ANXA10: variants seen among roughly 807,000 people sequenced by gnomAD.
ANXA10 encodes annexin 14.
A neutral mutation model predicts 53.5 loss-of-function variants in ANXA10; 49 were observed. The observed-to-expected ratio is 0.92, with a 90% CI of 0.73 to 1.16. The LOEUF (loss-of-function observed/expected upper bound fraction) is 1.16, where lower values mean the gene tolerates loss of function less well. Among genes scored for constraint, ANXA10 ranks in the 50% most tolerant of loss-of-function variants. The probability of loss-of-function intolerance (pLI) is 0.00; values close to 1 mark genes in which losing one functional copy is unlikely to be tolerated. For missense variants in ANXA10, 393 were observed against 394.4 expected (o/e 1.00, Z 0.03); for synonymous variants, 131 against 128.9 (o/e 1.02, Z -0.11).
rs72987469 is a variant in ANXA10, at chr4:168,150,247, G to A, written c.195+10667G>A. ...TTTAATATACCATGTGTGTCTAGAA[G>A]ACCAAAGTATTATCATTATTATCAA... On this transcript the variant is annotated intron_variant, in intron 3 of 11. Coordinates refer to ENST00000359299, the MANE Select transcript of ANXA10 (RefSeq NM_007193.5). Among the ~76,000 whole-genome samples, 1,017 of 151,582 alleles carry A rather than the reference G, an allele frequency of 6.7e-3. 10 individuals are homozygous for A. Among genetic ancestry groups the A allele is most frequent in the African/African-American group, 0.024 (963 of 40,926 alleles).
At chr4:168,147,376 A>C (rs532614204) in intron 3 of ANXA10, among the ~76,000 whole-genome samples, 1 of 152,320 alleles carries the variant, frequency 6.6e-6, no homozygotes, top group Non-Finnish European at 1.5e-5. Flanking sequence ...GAAGGCAGCA[A>C]GTTTAAAACA....
chr4:168,121,742 C>G (rs1365480553), intron 1 of ANXA10, among the ~76,000 whole-genome samples: 1 of 152,106 alleles, frequency 6.6e-6, no homozygotes, highest in African/African-American at 2.4e-5. Flanking sequence ...CCCATATACT[C>G]TCAATTTTTT....
At chr4:168,150,042 C>A (rs763838512) in intron 3 of ANXA10, among the ~76,000 whole-genome samples, 1 of 152,176 alleles carries the variant, frequency 6.6e-6, no homozygotes, top group African/African-American at 2.4e-5. Context: ...TCAAAACCAG[C>A]CTCTACTTTC....
chr4:168,176,392 C>A (rs1448418985), intron 6 of ANXA10, among the ~76,000 whole-genome samples: 3 of 152,120 alleles, frequency 2.0e-5, no homozygotes, highest in Non-Finnish European at 4.4e-5. Context: ...CACCTTTACT[C>A]TCACGGGAGC....
chr4:168,150,780 C>T (rs1731482869), intron 3 of ANXA10, among the ~76,000 whole-genome samples: 1 of 152,192 alleles, frequency 6.6e-6, no homozygotes, highest in Non-Finnish European at 1.5e-5. Context: ...CCTCACTGCA[C>T]ATCCTCCATA....
intron 3 of ANXA10, among the ~76,000 whole-genome samples, chr4:168,160,046 ATT>A (rs1731754131): frequency 6.6e-6 from 1 of 151,958 alleles, no homozygotes; most frequent in South Asian, 2.1e-4. Context: ...GTATATATAT[ATT>A]TTTTCCCTCA....
intron 1 of ANXA10, among the ~76,000 whole-genome samples, chr4:168,095,521 A>G (rs1421271461): frequency 6.6e-6 from 1 of 152,090 alleles, no homozygotes; most frequent in African/African-American, 2.4e-5. Flanking sequence ...AGAAATTATT[A>G]TAATAATTTA....
At chr4:168,139,340 G>C in intron 2 of ANXA10, 146 bp from the exon 3 acceptor site, 1 of 572,100 alleles carries the variant, frequency 1.7e-6, no homozygotes, top group Non-Finnish European at 3.0e-6. Flanking sequence ...ATCATTACAT[G>C]ATTTCCAATT....
chr4:168,178,686 C>T (rs1732181629), intron 8 of ANXA10, among the ~76,000 whole-genome samples: 1 of 152,076 alleles, frequency 6.6e-6, no homozygotes, highest in Non-Finnish European at 1.5e-5. Flanking sequence ...AGTCAGATAA[C>T]TAAGTTCGTG....
At chr4:168,133,018 G>C (rs756433542) in intron 2 of ANXA10, among the ~76,000 whole-genome samples, 4 of 152,038 alleles carry the variant, frequency 2.6e-5, no homozygotes, top group Non-Finnish European at 4.4e-5. Context: ...GCATATTGCT[G>C]GTTGAAATCA....
intron 2 of ANXA10, among the ~76,000 whole-genome samples, chr4:168,134,518 A>T (rs930362638): frequency 1.3e-5 from 2 of 152,226 alleles, no homozygotes; most frequent in Non-Finnish European, 2.9e-5. Context: ...ATGTGATAAT[A>T]GTAAGAATAA....
At chr4:168,151,842 T>C (rs1731503052) in intron 3 of ANXA10, among the ~76,000 whole-genome samples, 1 of 152,212 alleles carries the variant, frequency 6.6e-6, no homozygotes, top group Non-Finnish European at 1.5e-5. Flanking sequence ...TGTAATTTAA[T>C]TGTAATTCCT....
chr4:168,181,707 C>A lies in ANXA10; in HGVS notation c.749C>A (p.Ala250Asp), dbSNP rs1359659196. 1 of 1,604,308 alleles carries A rather than the reference C, an allele frequency of 6.2e-7. No individual in the cohort carries two copies. Among genetic ancestry groups the A allele is most frequent in the Admixed American group, 1.7e-5 (1 of 59,984 alleles). Residue 250 changes from alanine to aspartate, a missense_variant, in exon 10 of 12, where the codon GCC becomes GAC. Coordinates refer to ENST00000359299, the MANE Select transcript of ANXA10 (RefSeq NM_007193.5). ...GTTCTCTGTGTTCGAGACAAACCAG[C>A]CTATTTTGCTTATAGATTATATAGT... ...AIVLCVRDKP[A>D]YFAYRLYSAI...
intron 3 of ANXA10, among the ~76,000 whole-genome samples, chr4:168,152,714 CAT>C (rs953575678): frequency 1.1e-4 from 16 of 149,274 alleles, no homozygotes; most frequent in African/African-American, 3.4e-4. Context: ...AAGTAAATTA[CAT>C]ATATATATAT....
chr4:168,122,912 G>T (rs929012034), intron 1 of ANXA10, among the ~76,000 whole-genome samples: 1 of 152,078 alleles, frequency 6.6e-6, no homozygotes, highest in African/African-American at 2.4e-5. Context: ...CATATTTAGC[G>T]TCATTTCAAG....
At chr4:168,173,055 G>C (rs957081450) in intron 6 of ANXA10, among the ~76,000 whole-genome samples, 1 of 152,098 alleles carries the variant, frequency 6.6e-6, no homozygotes. Flanking sequence ...CTCCCAAAGT[G>C]TTGGGATTAC....
chr4:168,110,120 A>T (rs560078186), intron 1 of ANXA10, among the ~76,000 whole-genome samples: 1 of 152,206 alleles, frequency 6.6e-6, no homozygotes, highest in Non-Finnish European at 1.5e-5. Flanking sequence ...CTGAGGCAGG[A>T]GAATGGCATG....
At chr4:168,138,470 G>A (rs776139320) in intron 2 of ANXA10, among the ~76,000 whole-genome samples, 2 of 151,928 alleles carry the variant, frequency 1.3e-5, no homozygotes, top group Non-Finnish European at 2.9e-5. Context: ...TCTTATTGCA[G>A]TAGCATGCTG....
chr4:168,155,747 TATATATTATATA>T lies in ANXA10; in HGVS notation c.196-6774_196-6763del, dbSNP rs1560783624. ...ATATAATATATGATATATCATATAT[TATATATTATATA>T]ATATATGATATATCATATATTATAT... On this transcript the variant is annotated intron_variant, in intron 3 of 11. Transcript: ENST00000359299. Among the ~76,000 whole-genome samples the T allele has an allele frequency of 7.4e-3, 260 of 35,134 alleles. 71 individuals are homozygous for T. Among genetic ancestry groups the T allele is most frequent in the African/African-American group, 0.031 (249 of 7,916 alleles). 23.0% of individuals were successfully genotyped at this position (35,134 alleles called of 152,430 possible).
Sources: allele counts gnomAD v4.1 joint callset (sites outside exome capture counted in the v4.1 genomes callset), GRCh38; gene constraint gnomAD v4.1.1; transcripts MANE v1.5; gene names NCBI Gene and HGNC (gene_info 2026-07-23, HGNC 2026-07-21).